The following PIGK variants were observed in gnomAD, a reference collection of about 807,000 sequenced individuals.
PIGK encodes the protein GPI-anchor transamidase.
A neutral mutation model predicts 50.6 loss-of-function variants in PIGK; 42 were observed. The ratio of observed to expected loss-of-function variants is 0.83; its 90% CI spans 0.65 to 1.07. PIGK has a LOEUF of 1.07. PIGK is among the 50% of genes least tolerant of loss of function. PIGK has a pLI of 0.00. For missense variants in PIGK, 448 were observed against 488.7 expected (o/e 0.92, Z 0.78); for synonymous variants, 151 against 156.0 (o/e 0.97, Z 0.24).
In PIGK at chr1:77,154,463, T is replaced by A; in HGVS notation, c.972A>T (p.Glu324Asp). The A allele has an allele frequency of 6.2e-7, 1 of 1,608,528 alleles. No homozygotes were observed. Among genetic ancestry groups the A allele is most frequent in the South Asian group, 1.1e-5 (1 of 90,856 alleles). The change falls in exon 9 of 11, where the codon GAA becomes GAT. Residue 324 changes from glutamate (E) to aspartate (D), a missense_variant. By Grantham distance (45) the Glu-to-Asp change is conservative. Coordinates refer to ENST00000370812, the MANE Select transcript of PIGK (RefSeq NM_005482.3). The part of the protein sequence containing the change: ...TETIKLQQDS[E>D]IMESSYKEDQ... Reference sequence around the variant, plus strand: ...AAGATGAATACCTGCTTTCCATGATTTCTGAATCCTGTTGCAATTTAATAG... The same window carrying A: ...AAGATGAATACCTGCTTTCCATGATATCTGAATCCTGTTGCAATTTAATAG...
In PIGK at chr1:77,113,905, T is replaced by C. The variant is rs1653908364; in HGVS notation, c.1071+8370A>G. Among the ~76,000 whole-genome samples the C allele has an allele frequency of 2.0e-5, 3 of 152,092 alleles. No homozygotes were observed. The South Asian group carries it at 6.2e-4, about 32-fold the overall frequency. On this transcript the variant is annotated intron_variant, in intron 10 of 10. Transcript: ENST00000370812. ...TTGAACCCACATCTCTTCATATCTCTACATGTCTTAAACCCTCTTTGGGAA... is the reference window on the plus strand; with the variant it reads ...TTGAACCCACATCTCTTCATATCTCCACATGTCTTAAACCCTCTTTGGGAA...
At chr1:77,210,369 A>G in intron 2 of PIGK, 67 bp downstream of exon 2, 1 of 878,016 alleles carries the variant, frequency 1.1e-6, no homozygotes, top group African/African-American at 1.8e-5. Flanking sequence ...CAAAAATTTG[A>G]TTCACACAAA....
At chr1:77,111,985 T>G (rs61782906) in intron 10 of PIGK, among the ~76,000 whole-genome samples, 35,284 of 151,918 alleles carry the variant, frequency 0.23, 5,062 homozygotes, top group Non-Finnish European at 0.32. Flanking sequence ...TAGGCACTGC[T>G]AAATATATAT....
chr1:77,108,825 CTTCATTTTA>C (rs1653763543), intron 10 of PIGK, among the ~76,000 whole-genome samples: 1 of 152,110 alleles, frequency 6.6e-6, no homozygotes, highest in South Asian at 2.1e-4. Flanking sequence ...TCTCTTCTCG[CTTCATTTTA>C]TTCATTTGAT....
chr1:77,215,599 G>A (rs1299623031), intron 1 of PIGK, among the ~76,000 whole-genome samples: 2 of 150,748 alleles, frequency 1.3e-5, no homozygotes, highest in Non-Finnish European at 3.0e-5. Context: ...AAACCAGTAG[G>A]CCAAAGAGAT....
At chr1:77,188,507 G>A (rs986679276) in intron 3 of PIGK, among the ~76,000 whole-genome samples, 5 of 152,092 alleles carry the variant, frequency 3.3e-5, no homozygotes, top group Admixed American at 6.6e-5. Context: ...AATGGTGCCC[G>A]AAACTTCATT....
At chr1:77,209,464 A>G (rs1656366062) in intron 2 of PIGK, among the ~76,000 whole-genome samples, 2 of 152,284 alleles carry the variant, frequency 1.3e-5, no homozygotes, top group South Asian at 2.1e-4. Flanking sequence ...TAATGTGTTG[A>G]CCAGCAGTCA....
chr1:77,176,041 A>T (rs950331980), intron 3 of PIGK, among the ~76,000 whole-genome samples: 10 of 152,118 alleles, frequency 6.6e-5, no homozygotes, highest in Admixed American at 1.3e-4. Flanking sequence ...ATAAACTAGG[A>T]AAAAAAGAAG....
chr1:77,107,786 A>C (rs918361181), intron 10 of PIGK, among the ~76,000 whole-genome samples: 2 of 152,170 alleles, frequency 1.3e-5, no homozygotes, highest in Admixed American at 1.3e-4. Context: ...TATTGGGTGC[A>C]TATATATTTA....
In PIGK at chr1:77,091,646, C is replaced by T. The variant is rs1653300826; in HGVS notation, c.*728G>A. On this transcript the variant is annotated 3_prime_UTR_variant, in exon 11 of 11. Coordinates refer to ENST00000370812, the MANE Select transcript of PIGK (RefSeq NM_005482.3). ...GTCTAAAATTTCCCAAATAAACTGA[C>T]AACAAACATATAAGGTCCTGGAGAT... is the stretch of plus-strand genomic sequence containing the variant. 1 of 152,094 alleles carries T rather than the reference C, an allele frequency of 6.6e-6. No homozygotes were observed. The highest frequency in any genetic ancestry group is 2.4e-5 in the African/African-American group (1 of 41,410). The allele number at this position is 152,094 out of a possible 1,614,324, so 9.4% of individuals were successfully genotyped here.
At chr1:77,174,490 G>A (rs962456620) in intron 3 of PIGK, among the ~76,000 whole-genome samples, 7 of 152,192 alleles carry the variant, frequency 4.6e-5, no homozygotes, top group African/African-American at 1.7e-4. Flanking sequence ...CCGACTTTGG[G>A]GAGTATCGGA....
Position 77,097,352 on chromosome 1 carries a change from G to A in PIGK, c.1072-4862C>T, listed in dbSNP as rs570846265. 5.9e-5 allele frequency among the ~76,000 whole-genome samples: 9 copies of A among 152,224 alleles called. No homozygotes were observed. The South Asian group carries it at 1.9e-3, about 32-fold the overall frequency. Reference sequence around the variant, plus strand: ...AACTAACTCATCTAGCTTCCCTTTAGGCATCTTCCAACTGAAGTCTAGATC... The same window carrying A: ...AACTAACTCATCTAGCTTCCCTTTAAGCATCTTCCAACTGAAGTCTAGATC... On this transcript the variant is annotated intron_variant, in intron 10 of 10. Coordinates refer to ENST00000370812, the MANE Select transcript of PIGK (RefSeq NM_005482.3).
chr1:77,118,835 T>C (rs968470567), intron 10 of PIGK, among the ~76,000 whole-genome samples: 1 of 152,210 alleles, frequency 6.6e-6, no homozygotes, highest in Admixed American at 6.5e-5. Flanking sequence ...TCCACTTGAT[T>C]GGACTGAAGG....
chr1:77,124,830 A>T (rs1057093266), intron 9 of PIGK, among the ~76,000 whole-genome samples: 1 of 152,062 alleles, frequency 6.6e-6, no homozygotes, highest in African/African-American at 2.4e-5. Flanking sequence ...AAAAGCGAAC[A>T]ACTCAATATT....
At chr1:77,153,198 G>A (rs1654929946) in intron 9 of PIGK, among the ~76,000 whole-genome samples, 1 of 152,084 alleles carries the variant, frequency 6.6e-6, no homozygotes, top group South Asian at 2.1e-4. Flanking sequence ...ATGAAATCTT[G>A]TTATTTGTAA....
chr1:77,108,468 C>A (rs1653749718), intron 10 of PIGK, among the ~76,000 whole-genome samples: 2 of 152,148 alleles, frequency 1.3e-5, no homozygotes, highest in African/African-American at 2.4e-5. Flanking sequence ...TGCTGTTAGT[C>A]TGATGGGCTT....
At chr1:77,140,776 G>A (rs1459612030) in intron 9 of PIGK, among the ~76,000 whole-genome samples, 1 of 152,084 alleles carries the variant, frequency 6.6e-6, no homozygotes, top group Non-Finnish European at 1.5e-5. Flanking sequence ...TAGAAGATAC[G>A]TATCAGTGTT....
intron 9 of PIGK, among the ~76,000 whole-genome samples, chr1:77,137,156 T>C (rs1258895399): frequency 6.6e-6 from 1 of 152,140 alleles, no homozygotes; most frequent in Non-Finnish European, 1.5e-5. Flanking sequence ...TTGGGACCCA[T>C]GGATAACCTC....
intron 1 of PIGK, among the ~76,000 whole-genome samples, chr1:77,216,203 C>A (rs1027658619): frequency 6.6e-6 from 1 of 152,002 alleles, no homozygotes; most frequent in Non-Finnish European, 1.5e-5. Context: ...ACACTATATA[C>A]CCCATAAATA....
Sources: gnomAD v4.1 joint callset for allele counts (sites outside exome capture counted in the v4.1 genomes callset) on GRCh38, gnomAD v4.1.1 for gene constraint, MANE v1.5 for transcripts, NCBI Gene and HGNC (gene_info 2026-07-23, HGNC 2026-07-21) for gene names.